Variants in RIMBP2 observed in about 807,000 individuals in gnomAD.
RIMBP2 encodes RIMS-binding protein 2.
Under a neutral mutation model 118.6 loss-of-function variants are expected in RIMBP2, and 48 were observed. That is an observed-to-expected ratio of 0.40 (90% CI 0.32 to 0.51). The LOEUF is 0.51. Ranked by LOEUF, RIMBP2 falls within the 20% of genes least tolerant of loss-of-function variation. The pLI is 0.41. For missense variants in RIMBP2, 1,551 were observed against 1,768.3 expected, an observed-to-expected ratio of 0.88 and a Z score of 2.20; for synonymous variants, 762 against 742.9, an observed-to-expected ratio of 1.03 and a Z score of -0.42.
chr12:130,714,609 T>C lies in RIMBP2; in HGVS notation c.-352+1613A>G, dbSNP rs867381354. ...GAATAGCCGCTGCCAGCGCCTTCCC[T>C]GAAATAACCTGGAAGGGCTCCACTC... On this transcript the variant is annotated intron_variant, in intron 1 of 22. Coordinates refer to ENST00000690449, the MANE Select transcript of RIMBP2 (RefSeq NM_001393629.1). Among the ~76,000 whole-genome samples, 3 of 152,200 alleles carry C rather than the reference T, an allele frequency of 2.0e-5. No homozygotes were observed. In the South Asian group the frequency reaches 6.2e-4, roughly 32 times the overall value.
chr12:130,499,711 C>CA (rs1455743168), intron 4 of RIMBP2, among the ~76,000 whole-genome samples: 1 of 152,166 alleles, frequency 6.6e-6, no homozygotes, highest in Non-Finnish European at 1.5e-5. Flanking sequence ...AGGACTCACC[C>CA]ACAGTGAGGT....
chr12:130,580,926 G>GGTGTGTGTGTGT (rs34292565), intron 2 of RIMBP2, among the ~76,000 whole-genome samples: 2 of 149,340 alleles, frequency 1.3e-5, no homozygotes, highest in Admixed American at 6.7e-5. Context: ...ACCCAGCAAT[G>GGTGTGTGTGTGT]GTGTGTGTGT....
chr12:130,688,112 C>T lies in RIMBP2; in HGVS notation c.-352+28110G>A, dbSNP rs1373324246. On this transcript the variant is annotated intron_variant, in intron 1 of 22. Transcript: ENST00000690449. This position sits in a 1 kb window ranked among gnomAD's most constrained non-coding sequence, Gnocchi z 4.7. The stretch of plus-strand genomic sequence containing the variant: ...CAGAGAGCTTACAAAATGACACACT[C>T]GGTGACCAGGCTCTGATGCCATTCC... Among the ~76,000 whole-genome samples, 2 of 152,168 alleles carry T rather than the reference C, an allele frequency of 1.3e-5. No homozygotes were observed. Among genetic ancestry groups the T allele is most frequent in the South Asian group, 2.1e-4 (1 of 4,832 alleles).
chr12:130,701,449 G>T (rs370934048), intron 1 of RIMBP2, among the ~76,000 whole-genome samples: 1 of 152,202 alleles, frequency 6.6e-6, no homozygotes, highest in Non-Finnish European at 1.5e-5. Context: ...AGACACAAGG[G>T]TTCCAAAGAA....
intron 4 of RIMBP2, among the ~76,000 whole-genome samples, chr12:130,499,149 A>C (rs1393787684): frequency 1.3e-5 from 2 of 152,128 alleles, no homozygotes; most frequent in Non-Finnish European, 2.9e-5. Context: ...TTTTAAACCA[A>C]CAGATCTTGT....
intron 11 of RIMBP2, among the ~76,000 whole-genome samples, chr12:130,441,447 A>AATAATAATG (rs572339336): frequency 1.8e-4 from 26 of 141,048 alleles, no homozygotes; most frequent in Admixed American, 1.8e-3. Flanking sequence ...TAATAATAAT[A>AATAATAATG]ATTTACAAGG....
chr12:130,408,464 GT>G, intron 19 of RIMBP2, among the ~76,000 whole-genome samples: 1 of 152,332 alleles, frequency 6.6e-6, no homozygotes. Context: ...CGACTTAGAG[GT>G]GCATTCCCAC....
At chr12:130,685,633 G>GAGC (rs1437082722) in intron 1 of RIMBP2, among the ~76,000 whole-genome samples, 2 of 152,122 alleles carry the variant, frequency 1.3e-5, no homozygotes, top group Admixed American at 1.3e-4. Context: ...TCATGGCAAT[G>GAGC]CTGGAGTCAC....
chr12:130,500,420 T>C (rs1278962205), intron 4 of RIMBP2, among the ~76,000 whole-genome samples: 3 of 152,148 alleles, frequency 2.0e-5, no homozygotes, highest in African/African-American at 7.2e-5. Flanking sequence ...ATCACGCCAC[T>C]GCACTCCAGC....
chr12:130,643,046 C>T (rs774792168), intron 1 of RIMBP2, among the ~76,000 whole-genome samples: 25 of 152,358 alleles, frequency 1.6e-4, no homozygotes, highest in Non-Finnish European at 2.9e-4. Flanking sequence ...CCTCTCTAAA[C>T]GGCGATGGTT....
intron 4 of RIMBP2, among the ~76,000 whole-genome samples, chr12:130,488,210 T>C (rs570422789): frequency 6.6e-6 from 1 of 152,102 alleles, no homozygotes; most frequent in South Asian, 2.1e-4. Context: ...ACCAGAGACA[T>C]AAGCTGGTTC....
At chr12:130,408,299 A>G (rs10773778) in intron 19 of RIMBP2, among the ~76,000 whole-genome samples, 112,179 of 152,126 alleles carry the variant, frequency 0.74, 41,709 homozygotes, top group South Asian at 0.9. Flanking sequence ...TCCCCTAAGC[A>G]TAGGCAAAAC....
In RIMBP2 at chr12:130,424,492, C is replaced by T. The variant is rs1566009765; in HGVS notation, c.2779G>A (p.Glu927Lys). Residue 927 changes from glutamate to lysine, a missense_variant, in exon 16 of 23, where the codon GAG becomes AAG. This residue lies in a region of RIMBP2 where 1,038 missense variants were observed against 1,125.1 expected (regional missense o/e 0.92). Transcript: ENST00000690449. The surrounding 1 kb of genome is among the most constrained non-coding windows in gnomAD (Gnocchi z 9.8). ...CCGAAGCCAAACCGCGACTCGTCCTCTTCACTCCCACAGTCCAGGCCGCTG... is the reference window on the plus strand; with the variant it reads ...CCGAAGCCAAACCGCGACTCGTCCTTTTCACTCCCACAGTCCAGGCCGCTG... ...PDSGLDCGSEEDESRFGFGNT... is the reference protein window; with the variant it reads ...PDSGLDCGSEKDESRFGFGNT... 2 of 1,232,156 alleles carry T rather than the reference C, an allele frequency of 1.6e-6. No homozygotes were observed. Among genetic ancestry groups the T allele is most frequent in the Non-Finnish European group, 2.0e-6 (2 of 987,882 alleles). The allele number at this position is 1,232,156 out of a possible 1,614,324, so 76.3% of individuals were successfully genotyped here.
Position 130,450,995 on chromosome 12 carries a change from C to A in RIMBP2, c.504+200G>T, listed in dbSNP as rs2078956754. Reference sequence around the variant, plus strand: ...CTCTGCTCCCCCTTAGAACAGGGACCTCACCTGTGTTCACAGAGGGGCCCC... The same window carrying A: ...CTCTGCTCCCCCTTAGAACAGGGACATCACCTGTGTTCACAGAGGGGCCCC... On this transcript the variant is annotated intron_variant, in intron 8 of 22. Coordinates refer to ENST00000690449, the MANE Select transcript of RIMBP2 (RefSeq NM_001393629.1). The surrounding 1 kb of genome is among the most constrained non-coding windows in gnomAD (Gnocchi z 4.8). 6.6e-6 allele frequency among the ~76,000 whole-genome samples: 1 copy of A among 152,010 alleles called. No homozygotes were observed. Among genetic ancestry groups the A allele is most frequent in the Non-Finnish European group, 1.5e-5 (1 of 68,040 alleles).
rs1362987299 is a variant in RIMBP2, at chr12:130,431,362, G to A, written c.2254-3025C>T. 5 of 355,624 alleles carry A rather than the reference G, an allele frequency of 1.4e-5. No individual in the cohort carries two copies. Among genetic ancestry groups the A allele is most frequent in the South Asian group, 9.0e-5 (4 of 44,520 alleles). 22.0% of individuals were successfully genotyped at this position (355,624 alleles called of 1,614,324 possible). Reference sequence around the variant, plus strand: ...AGCGGATGGTCAGGGAACACTTCCCGGGTTGTAAAACTGGCAGTCTGTGCA... The same window carrying A: ...AGCGGATGGTCAGGGAACACTTCCCAGGTTGTAAAACTGGCAGTCTGTGCA... On this transcript the variant is annotated intron_variant, in intron 14 of 22. Coordinates refer to ENST00000690449, the MANE Select transcript of RIMBP2 (RefSeq NM_001393629.1). The surrounding 1 kb of genome is among the most constrained non-coding windows in gnomAD (Gnocchi z 4.0).
At chr12:130,438,178 G>C (rs773406637) in intron 12 of RIMBP2, among the ~76,000 whole-genome samples, 187 bp downstream of exon 12, 1 of 152,168 alleles carries the variant, frequency 6.6e-6, no homozygotes, top group African/African-American at 2.4e-5. Flanking sequence ...GGAGCGAGAT[G>C]GGGGGAGTGC....
At chr12:130,463,695 A>G (rs568857317) in intron 6 of RIMBP2, among the ~76,000 whole-genome samples, 1 of 152,066 alleles carries the variant, frequency 6.6e-6, no homozygotes, top group Non-Finnish European at 1.5e-5. Context: ...ACTTAGTGTC[A>G]GAGGCGTTCA....
At chr12:130,595,333 C>T (rs2059491023) in intron 2 of RIMBP2, among the ~76,000 whole-genome samples, 2 of 152,066 alleles carry the variant, frequency 1.3e-5, no homozygotes, top group South Asian at 2.1e-4. Flanking sequence ...CCGAGATGGG[C>T]GGACTATGAG....
At position 130,442,587 on chromosome 12, in the gene RIMBP2, C is replaced by T. The variant is rs1224962447; in HGVS notation, c.765G>A (p.Arg255=). The T allele has an allele frequency of 7.4e-6, 12 of 1,614,096 alleles. No homozygotes were observed. Among genetic ancestry groups the T allele is most frequent in the South Asian group, 1.1e-5 (1 of 91,092 alleles). The change falls in exon 11 of 23, where the codon CGG becomes CGA. Residue 255 remains arginine (R), a synonymous_variant. Transcript: ENST00000690449. The surrounding 1 kb of genome is among the most constrained non-coding windows in gnomAD (Gnocchi z 6.9). ...GCTCGTTCCCCAGCGTGCTTGCCAA[C>T]CGCGACTCGTTGTCCTGCACAAAGT... is the stretch of plus-strand genomic sequence containing the variant. ...FVDFVQDNES[R]LASTLGNEQD...
Sources: gnomAD v4.1 joint callset for allele counts (sites outside exome capture counted in the v4.1 genomes callset) on GRCh38, gnomAD v4.1.1 for gene constraint, gnomAD v4.1.1 regional missense constraint, Gnocchi (gnomAD v3.1) non-coding constraint, MANE v1.5 for transcripts, NCBI Gene and HGNC (gene_info 2026-07-23, HGNC 2026-07-21) for gene names.